The following RGMA variants were observed in gnomAD, a reference collection of about 807,000 sequenced individuals.
RGMA encodes repulsive guidance molecule BMP co-receptor a, also known as repulsive guidance molecule A.
A neutral mutation model predicts 23.2 loss-of-function variants in RGMA; 10 were observed. The ratio of observed to expected loss-of-function variants is 0.43; its 90% CI spans 0.27 to 0.73. The LOEUF (loss-of-function observed/expected upper bound fraction) is 0.73. Among genes scored for constraint, RGMA ranks in the 30% least tolerant of loss-of-function variants. The pLI is 0.20. For synonymous variants in RGMA, 308 were observed against 279.3 expected (o/e 1.10, Z -1.03); for missense variants, 547 against 630.5 (o/e 0.87, Z 1.42).
At chr15:93,088,755 G>T in intron 1 of RGMA, 164 bp downstream of exon 1, 1 of 779,896 alleles carries the variant, frequency 1.3e-6, no homozygotes, top group Non-Finnish European at 2.0e-6. Flanking sequence ...GCTGCCAACA[G>T]CTAAAGCGAT....
chr15:93,066,151 GTTACA>G (rs1329582495), intron 2 of RGMA: 1 of 1,363,978 alleles, frequency 7.3e-7, no homozygotes, highest in Non-Finnish European at 1.0e-6. Context: ...CCCGGGCCCA[GTTACA>G]TTAGCGGCTT....
intron 1 of RGMA, among the ~76,000 whole-genome samples, chr15:93,074,843 G>A (rs535948367): frequency 6.6e-6 from 1 of 152,338 alleles, no homozygotes; most frequent in South Asian, 2.1e-4. Context: ...TGACCAAGTG[G>A]CCTTTCCACT....
intron 2 of RGMA, among the ~76,000 whole-genome samples, chr15:93,055,990 C>T (rs910277769): frequency 1.3e-5 from 2 of 152,198 alleles, no homozygotes; most frequent in African/African-American, 2.4e-5. Flanking sequence ...GAGAGGGGTC[C>T]CTCGCATGCT....
chr15:93,073,418 C>T (rs559290428), intron 1 of RGMA: 4 of 761,226 alleles, frequency 5.3e-6, no homozygotes, highest in Admixed American at 6.6e-5. Flanking sequence ...CGCGCCATCT[C>T]CAGCCCGCGG....
At chr15:93,088,792 G>T in intron 1 of RGMA, 127 bp downstream of exon 1, 1 of 937,208 alleles carries the variant, frequency 1.1e-6, no homozygotes, top group Non-Finnish European at 1.6e-6. Flanking sequence ...TCCAAATGTG[G>T]GCAAGATGGG....
chr15:93,063,775 T>C (rs1309348056), intron 2 of RGMA, among the ~76,000 whole-genome samples: 1 of 152,154 alleles, frequency 6.6e-6, no homozygotes, highest in African/African-American at 2.4e-5. Context: ...TAGGAGGTTT[T>C]CTCTAGAAAC....
intron 2 of RGMA, among the ~76,000 whole-genome samples, chr15:93,059,765 G>C (rs1250667342): frequency 6.6e-6 from 1 of 152,158 alleles, no homozygotes; most frequent in Non-Finnish European, 1.5e-5. Flanking sequence ...ATGAAATCTG[G>C]CCCAGCATCA....
At chr15:93,065,989 T>C in intron 2 of RGMA, 1 of 1,217,944 alleles carries the variant, frequency 8.2e-7, no homozygotes, top group South Asian at 1.3e-5. Flanking sequence ...CTGCGCGGAG[T>C]CTTTGGCCCG....
chr15:93,085,798 G>T (rs1356212455), intron 1 of RGMA, among the ~76,000 whole-genome samples: 1 of 152,156 alleles, frequency 6.6e-6, no homozygotes, highest in Non-Finnish European at 1.5e-5. Context: ...CCTGACCCCT[G>T]GGTTCTAACA....
In RGMA at chr15:93,045,206, A is replaced by C; in HGVS notation, c.1145T>G (p.Leu382Arg). The stretch of plus-strand genomic sequence containing the variant: ...GAAGTTCACGTCGCCCGTGGTGAGG[A>C]GGTCGAAGACGCAGGCCTGGTAGTA... ...DLYYQACVFD[L>R]LTTGDVNFTL... The change falls in exon 4 of 4, where the codon CTC becomes CGC. Residue 382 changes from leucine (L) to arginine (R), a missense_variant. Physicochemically the swap from Leu to Arg is moderately radical, Grantham distance 102 (BLOSUM62 -2). Transcript: ENST00000329082. The surrounding 1 kb of genome is among the most constrained non-coding windows in gnomAD (Gnocchi z 6.9). 1.2e-6 allele frequency: 2 copies of C among 1,611,386 alleles called. No homozygotes were observed. The highest frequency in any genetic ancestry group is 1.3e-5 in the African/African-American group (1 of 74,946).
In RGMA at chr15:93,038,608, C is replaced by T. The variant is rs1567173563; in HGVS notation, c.*6390G>A. ...TTTGAGACGGTGTCTTGCTCTGTCG[C>T]CCAGGCTGGAGGCTGGAGTGCAGTG... On this transcript the variant is annotated 3_prime_UTR_variant, in exon 4 of 4. Coordinates refer to ENST00000329082, the MANE Select transcript of RGMA (RefSeq NM_020211.3). 9.3e-6 allele frequency: 1 copy of T among 107,080 alleles called. No homozygotes were observed. Among genetic ancestry groups the T allele is most frequent in the Non-Finnish European group, 2.3e-5 (1 of 42,918 alleles). 6.6% of individuals were successfully genotyped at this position (107,080 alleles called of 1,614,324 possible).
At chr15:93,050,981 T>C (rs2054908955) in intron 3 of RGMA, among the ~76,000 whole-genome samples, 1 of 152,076 alleles carries the variant, frequency 6.6e-6, no homozygotes, top group African/African-American at 2.4e-5. Context: ...GCCCTGAGTA[T>C]GCGGAGGGCT....
chr15:93,073,896 T>C, intron 1 of RGMA: 5 of 1,446,984 alleles, frequency 3.5e-6, no homozygotes, highest in Non-Finnish European at 4.5e-6. Flanking sequence ...TCCAGAGAGA[T>C]GGCTATGCCG....
At chr15:93,084,389 A>G (rs886576562) in intron 1 of RGMA, among the ~76,000 whole-genome samples, 1 of 152,252 alleles carries the variant, frequency 6.6e-6, no homozygotes, top group Admixed American at 6.5e-5. Context: ...TTACAAGCTT[A>G]TAAGTGGGTC....
At chr15:93,048,270 C>A (rs537655148) in intron 3 of RGMA, among the ~76,000 whole-genome samples, 6 of 152,252 alleles carry the variant, frequency 3.9e-5, no homozygotes, top group African/African-American at 7.2e-5. Context: ...CCCGGAAGAA[C>A]AGAGGGAGAC....
At chr15:93,048,213 C>T (rs796594860) in intron 3 of RGMA, among the ~76,000 whole-genome samples, 11 of 152,212 alleles carry the variant, frequency 7.2e-5, no homozygotes, top group African/African-American at 1.2e-4. Flanking sequence ...CATAAGATTT[C>T]GGGATGATGA....
At position 93,088,906 on chromosome 15, in the gene RGMA, G is replaced by T; in HGVS notation, c.14+13C>A. The T allele has an allele frequency of 6.8e-7, 1 of 1,477,686 alleles. No individual in the cohort carries two copies. The highest frequency in any genetic ancestry group is 1.3e-5 in the South Asian group (1 of 77,878). 91.5% of individuals were successfully genotyped at this position (1,477,686 alleles called of 1,614,324 possible). A position where few individuals can be genotyped will look rare whatever the true frequency, so the allele number is the denominator to read the frequency against. ...TCAGAGCCGGGTCTGCCCGGCTCCC[G>T]ACCCGCGCTTACCTTGGCGGCTGCA... On this transcript the variant is annotated intron_variant, in intron 1 of 3. Coordinates refer to ENST00000329082, the MANE Select transcript of RGMA (RefSeq NM_020211.3).
chr15:93,049,220 C>T (rs2054878194), intron 3 of RGMA, among the ~76,000 whole-genome samples: 1 of 152,216 alleles, frequency 6.6e-6, no homozygotes, highest in African/African-American at 2.4e-5. Flanking sequence ...GCATCAGCTA[C>T]TATCTACGGA....
intron 2 of RGMA, chr15:93,065,695 T>G: frequency 8.5e-7 from 1 of 1,174,894 alleles, no homozygotes; most frequent in Non-Finnish European, 1.2e-6. Context: ...GAAGTAGGGG[T>G]GGTTTCGTGG....
Sources: gnomAD v4.1 joint callset for allele counts (sites outside exome capture counted in the v4.1 genomes callset) on GRCh38, gnomAD v4.1.1 for gene constraint, Gnocchi (gnomAD v3.1) non-coding constraint, MANE v1.5 for transcripts, NCBI Gene and HGNC (gene_info 2026-07-23, HGNC 2026-07-21) for gene names.